KIF26B: variants seen among roughly 807,000 people sequenced by gnomAD.
KIF26B encodes the protein kinesin family member 26B, also known as kinesin-like protein KIF26B.
KIF26B carries 63 observed loss-of-function variants against 151.2 expected under a neutral mutation model. That is an observed-to-expected ratio of 0.42 (90% confidence interval 0.34 to 0.51). The LOEUF (loss-of-function observed/expected upper bound fraction) is 0.51, where lower values mean the gene tolerates loss of function less well. Among genes scored for constraint, KIF26B ranks in the 20% least tolerant of loss-of-function variants. KIF26B has a pLI of 0.07. For synonymous variants in KIF26B, 1,357 were observed against 1,262.1 expected, an observed-to-expected ratio of 1.08 and a Z score of -1.59; for missense variants, 2,813 against 2,913.6, an observed-to-expected ratio of 0.97 and a Z score of 0.79.
At position 245,546,121 on chromosome 1, in the gene KIF26B, A is replaced by G. The variant is rs117368039; in HGVS notation, c.1350+5171A>G. ...GAAGAGAAAGACAAGATTTCTGTTC[A>G]GTTTACATTCTTCTTAGAGGAAGAG... On this transcript the variant is annotated intron_variant, in intron 5 of 14. Transcript: ENST00000407071. Among the ~76,000 whole-genome samples the G allele has an allele frequency of 1.6e-4, 24 of 152,370 alleles. No individual in the cohort carries two copies. The East Asian group carries it at 3.7e-3, about 23-fold the overall frequency.
Position 245,516,480 on chromosome 1 carries a change from G to C in KIF26B, c.1167-24287G>C, listed in dbSNP as rs1013265388. On this transcript the variant is annotated intron_variant, in intron 4 of 14. Transcript: ENST00000407071. This position sits in a 1 kb window ranked among gnomAD's most constrained non-coding sequence, Gnocchi z 4.2. ...TCACATGCGTCTATATGAACGCCCCGCTGCAGCTGCCTTTGCTATACAGTG... is the reference window on the plus strand; with the variant it reads ...TCACATGCGTCTATATGAACGCCCCCCTGCAGCTGCCTTTGCTATACAGTG... 6.6e-6 allele frequency among the ~76,000 whole-genome samples: 1 copy of C among 152,134 alleles called. No individual in the cohort carries two copies.
chr1:245,411,515 A>G (rs1674283758), intron 3 of KIF26B, among the ~76,000 whole-genome samples: 1 of 152,164 alleles, frequency 6.6e-6, no homozygotes, highest in Non-Finnish European at 1.5e-5. Flanking sequence ...GAAGAAATAA[A>G]CATAACTCAT....
rs1173692442 is a variant in KIF26B, at chr1:245,375,021, A to C, written c.999+7654A>C. 6.6e-6 allele frequency among the ~76,000 whole-genome samples: 1 copy of C among 152,196 alleles called. No homozygotes were observed. The highest frequency in any genetic ancestry group is 1.5e-5 in the Non-Finnish European group (1 of 68,032). On this transcript the variant is annotated intron_variant, in intron 3 of 14. Transcript: ENST00000407071. This position sits in a 1 kb window ranked among gnomAD's most constrained non-coding sequence, Gnocchi z 4.2. ...GCAATCTGTGGATGTGTTACCTTAC[A>C]TGGTAAAAGGGCCTCAGCAGATGTG...
At chr1:245,382,530 G>A (rs1312908403) in intron 3 of KIF26B, among the ~76,000 whole-genome samples, 1 of 123,248 alleles carries the variant, frequency 8.1e-6, no homozygotes, top group Non-Finnish European at 1.8e-5. Context: ...TCTAAGCACA[G>A]GTTTGTGTGT....
chr1:245,542,150 C>T (rs1661639631), intron 5 of KIF26B, among the ~76,000 whole-genome samples: 1 of 152,126 alleles, frequency 6.6e-6, no homozygotes, highest in Non-Finnish European at 1.5e-5. Flanking sequence ...GCTAGGAGTT[C>T]AAGACCAGCC....
chr1:245,449,812 A>G (rs1659345785), intron 4 of KIF26B, among the ~76,000 whole-genome samples: 1 of 152,236 alleles, frequency 6.6e-6, no homozygotes, highest in African/African-American at 2.4e-5. Flanking sequence ...AACTCAAAAG[A>G]CAAAAACATG....
intron 2 of KIF26B, among the ~76,000 whole-genome samples, chr1:245,289,313 C>G (rs1671216318): frequency 6.6e-6 from 1 of 152,180 alleles, no homozygotes; most frequent in Non-Finnish European, 1.5e-5. Context: ...TACCGGCATG[C>G]TATAGGAATC....
chr1:245,325,304 T>C (rs537759556), intron 2 of KIF26B, among the ~76,000 whole-genome samples: 3 of 152,292 alleles, frequency 2.0e-5, no homozygotes, highest in East Asian at 1.9e-4. Context: ...GCACCTGCTA[T>C]GTGTGGCATT....
intron 5 of KIF26B, among the ~76,000 whole-genome samples, chr1:245,554,175 C>T (rs1661962101): frequency 6.6e-6 from 1 of 152,174 alleles, no homozygotes; most frequent in South Asian, 2.1e-4. Flanking sequence ...AACCATTCAC[C>T]ACTCTGTTGC....
rs2044565122 is a variant in KIF26B, at chr1:245,688,241, C to A, written c.5258C>A (p.Thr1753Asn). The change falls in exon 12 of 15, where the codon ACC (threonine) becomes AAC (asparagine). Residue 1753 changes from threonine to asparagine, a missense_variant. Physicochemically the swap from Thr to Asn is moderately conservative, Grantham distance 65. This residue lies in a region of KIF26B where 2,060 missense variants were observed against 2,088.6 expected (regional missense o/e 0.99). Transcript: ENST00000407071. ...PRARGPSASTTKTLSFSTKSL... is the reference protein window; with the variant it reads ...PRARGPSASTNKTLSFSTKSL... ...GCGCGCGGCCCGTCCGCCTCCACCACCAAAACCCTCAGCTTCTCCACCAAG... is the reference window on the plus strand; with the variant it reads ...GCGCGCGGCCCGTCCGCCTCCACCAACAAAACCCTCAGCTTCTCCACCAAG... 2 of 1,591,706 alleles carry A rather than the reference C, an allele frequency of 1.3e-6. No individual in the cohort carries two copies. Among genetic ancestry groups the A allele is most frequent in the Admixed American group, 1.7e-5 (1 of 59,354 alleles).
chr1:245,513,871 C>G (rs1660890596), intron 4 of KIF26B, among the ~76,000 whole-genome samples: 2 of 152,172 alleles, frequency 1.3e-5, no homozygotes, highest in Admixed American at 1.3e-4. Flanking sequence ...ACATTTTTCT[C>G]CCTGTAAACT....
chr1:245,586,909 A>AAG (rs59105829), intron 5 of KIF26B, among the ~76,000 whole-genome samples: 2 of 146,924 alleles, frequency 1.4e-5, no homozygotes, highest in Admixed American at 6.7e-5. Context: ...AAAAAAAAAA[A>AAG]CATCAAACAA....
chr1:245,675,074 A>G (rs2044342520), intron 10 of KIF26B, among the ~76,000 whole-genome samples: 1 of 152,210 alleles, frequency 6.6e-6, no homozygotes, highest in African/African-American at 2.4e-5. Flanking sequence ...GTTGGAAAGG[A>G]GACAGATTAA....
chr1:245,308,282 G>A (rs1671596157), intron 2 of KIF26B, among the ~76,000 whole-genome samples: 1 of 152,156 alleles, frequency 6.6e-6, no homozygotes, highest in East Asian at 1.9e-4. Context: ...ACAGAAGTTT[G>A]GTGACGCCTG....
intron 2 of KIF26B, among the ~76,000 whole-genome samples, chr1:245,265,235 C>T (rs1461308443): frequency 2.7e-5 from 4 of 145,580 alleles, no homozygotes; most frequent in South Asian, 2.1e-4. Context: ...TTGAGAAATA[C>T]GGAGAGACTT....
At chr1:245,550,798 C>CT (rs1326612593) in intron 5 of KIF26B, among the ~76,000 whole-genome samples, 3 of 152,126 alleles carry the variant, frequency 2.0e-5, no homozygotes, top group Non-Finnish European at 4.4e-5. Context: ...GCTACAAGCT[C>CT]TTTTTTTGTG....
At chr1:245,342,922 C>T (rs1317616223) in intron 2 of KIF26B, among the ~76,000 whole-genome samples, 1 of 152,022 alleles carries the variant, frequency 6.6e-6, no homozygotes. Flanking sequence ...CCCGTCTCTG[C>T]TAAAAATACA....
At chr1:245,256,146 C>A (rs902773182) in intron 2 of KIF26B, among the ~76,000 whole-genome samples, 1 of 152,158 alleles carries the variant, frequency 6.6e-6, no homozygotes, top group Non-Finnish European at 1.5e-5. Flanking sequence ...TTCGAACAAG[C>A]TATTTGACGT....
At chr1:245,699,087 C>T in intron 14 of KIF26B, 50 bp downstream of exon 14, 2 of 1,580,448 alleles carry the variant, frequency 1.3e-6, no homozygotes, top group Non-Finnish European at 8.6e-7. Flanking sequence ...TTCACCTGCT[C>T]AACCGGGCTG....
Sources: gnomAD v4.1 joint callset for allele counts (sites outside exome capture counted in the v4.1 genomes callset) on GRCh38, gnomAD v4.1.1 for gene constraint, gnomAD v4.1.1 regional missense constraint, Gnocchi (gnomAD v3.1) non-coding constraint, MANE v1.5 for transcripts, NCBI Gene and HGNC (gene_info 2026-07-23, HGNC 2026-07-21) for gene names.